Variants in APLF observed in about 807,000 individuals in gnomAD.
The protein encoded by APLF is aprataxin and PNK-like factor.
Under a neutral mutation model 55.6 loss-of-function variants are expected in APLF, and 61 were observed. The ratio of observed to expected loss-of-function variants is 1.10; its 90% confidence interval spans 0.89 to 1.36. The LOEUF (loss-of-function observed/expected upper bound fraction) is 1.36, where lower values mean the gene tolerates loss of function less well. APLF is among the 40% of genes most tolerant of loss of function. The pLI, the probability that APLF is intolerant of heterozygous loss-of-function variation, is 0.00. For missense variants in APLF, 611 were observed against 602.5 expected, an observed-to-expected ratio of 1.01 and a Z score of -0.15; for synonymous variants, 207 against 214.8, an observed-to-expected ratio of 0.96 and a Z score of 0.32.
intron 6 of APLF, among the ~76,000 whole-genome samples, chr2:68,533,806 A>G (rs1670321212): frequency 6.6e-6 from 1 of 152,186 alleles, no homozygotes; most frequent in African/African-American, 2.4e-5. Context: ...TAGAACTGGA[A>G]TTGTAATTTT....
chr2:68,533,254 TTTCTG>T (rs1670306134), intron 6 of APLF, among the ~76,000 whole-genome samples: 1 of 152,176 alleles, frequency 6.6e-6, no homozygotes, highest in Non-Finnish European at 1.5e-5. Context: ...AGATAATAAA[TTTCTG>T]TTCTTTATAA....
At chr2:68,481,861 T>C (rs531902750) in intron 1 of APLF, among the ~76,000 whole-genome samples, 41 of 152,184 alleles carry the variant, frequency 2.7e-4, no homozygotes, top group African/African-American at 8.9e-4. Flanking sequence ...GAAATTCTTC[T>C]GCTTGATATA....
At chr2:68,507,447 AC>A (rs980667497) in intron 3 of APLF, among the ~76,000 whole-genome samples, 2 of 151,944 alleles carry the variant, frequency 1.3e-5, no homozygotes, top group African/African-American at 4.8e-5. Flanking sequence ...CTTTGAAGGA[AC>A]ATTTAAGTCT....
At chr2:68,537,802 G>A (rs1416919444) in intron 6 of APLF, 70 bp from the exon 7 acceptor site, 2 of 1,123,072 alleles carry the variant, frequency 1.8e-6, no homozygotes, top group South Asian at 1.7e-5. Flanking sequence ...TTGTAGTTTT[G>A]TGCTGTTATG....
rs1019960198 is a variant in APLF at position 68,578,986 on chromosome 2, C to G, written c.*964C>G. ...AAGCCCTATAATGCTCTTCATATTACGTGACTTTGAATTGTTAAAATGTAG... is the reference window on the plus strand; with the variant it reads ...AAGCCCTATAATGCTCTTCATATTAGGTGACTTTGAATTGTTAAAATGTAG... On this transcript the variant is annotated 3_prime_UTR_variant, in exon 10 of 10. Transcript: ENST00000303795. 3.0e-6 allele frequency: 3 copies of G among 984,366 alleles called. No individual in the cohort carries two copies. In the African/African-American group the frequency reaches 5.2e-5, roughly 17 times the overall value. The allele number at this position is 984,366 out of a possible 1,614,324, so 61.0% of individuals were successfully genotyped here. A position where few individuals can be genotyped will look rare whatever the true frequency, so the allele number is the denominator to read the frequency against.
At chr2:68,573,718 G>A (rs1248731569) in intron 9 of APLF, among the ~76,000 whole-genome samples, 1 of 149,608 alleles carries the variant, frequency 6.7e-6, no homozygotes, top group African/African-American at 2.5e-5. Flanking sequence ...TAAGTGACTT[G>A]TTCATTGTCA....
At chr2:68,510,568 G>T (rs988203525) in intron 3 of APLF, among the ~76,000 whole-genome samples, 4 of 151,800 alleles carry the variant, frequency 2.6e-5, no homozygotes. Context: ...ATTATACATT[G>T]TGGTGGGATT....
chr2:68,503,644 G>A (rs1285035566), intron 3 of APLF, among the ~76,000 whole-genome samples: 1 of 152,040 alleles, frequency 6.6e-6, no homozygotes, highest in East Asian at 1.9e-4. Context: ...TAGGGAAATT[G>A]GAAAACATTT....
At chr2:68,534,942 A>G (rs1057304605) in intron 6 of APLF, among the ~76,000 whole-genome samples, 3 of 152,206 alleles carry the variant, frequency 2.0e-5, no homozygotes, top group African/African-American at 7.2e-5. Context: ...GGTCATTTAT[A>G]AATAATTTAA....
At chr2:68,468,452 C>T (rs1675503644) in intron 1 of APLF, among the ~76,000 whole-genome samples, 1 of 152,142 alleles carries the variant, frequency 6.6e-6, no homozygotes, top group South Asian at 2.1e-4. Context: ...CCTATACCAA[C>T]ATCTTTAACT....
At chr2:68,513,003 T>A (rs76430755) in intron 3 of APLF, 77 bp from the exon 4 acceptor site, 43,463 of 1,364,320 alleles carry the variant, frequency 0.032, 814 homozygotes, top group Middle Eastern at 0.05. Flanking sequence ...TAAAGGGACA[T>A]AACTTAGATG....
intron 3 of APLF, among the ~76,000 whole-genome samples, chr2:68,504,713 A>G (rs931126555): frequency 2.0e-5 from 3 of 152,048 alleles, no homozygotes; most frequent in South Asian, 4.1e-4. Flanking sequence ...TTTGAAAGGA[A>G]GAAGTAAAAC....
intron 8 of APLF, among the ~76,000 whole-genome samples, chr2:68,548,435 G>T (rs1670766132): frequency 6.6e-6 from 1 of 151,638 alleles, no homozygotes; most frequent in Non-Finnish European, 1.5e-5. Flanking sequence ...TAGCCTTTTT[G>T]CCCAAAAGGA....
At chr2:68,554,368 T>C (rs1204661511) in intron 8 of APLF, among the ~76,000 whole-genome samples, 1 of 152,134 alleles carries the variant, frequency 6.6e-6, no homozygotes, top group African/African-American at 2.4e-5. Flanking sequence ...TGTTATACTT[T>C]TTTAAATCTA....
At chr2:68,481,745 AT>A (rs1229198389) in intron 1 of APLF, among the ~76,000 whole-genome samples, 2 of 151,942 alleles carry the variant, frequency 1.3e-5, no homozygotes, top group African/African-American at 2.4e-5. Context: ...TAATGTGAAT[AT>A]TTGTTCGCTT....
intron 1 of APLF, among the ~76,000 whole-genome samples, chr2:68,484,593 G>A (rs1676068491): frequency 1.3e-5 from 2 of 151,792 alleles, no homozygotes; most frequent in African/African-American, 4.8e-5. Context: ...CCGGGAGGCT[G>A]AGGCAGGAGA....
chr2:68,529,481 A>G lies in APLF; in HGVS notation c.804+3239A>G. 2 of 1,081,940 alleles carry G rather than the reference A, an allele frequency of 1.8e-6. No individual in the cohort carries two copies. Among genetic ancestry groups the G allele is most frequent in the South Asian group, 3.4e-5 (1 of 29,192 alleles). The allele number at this position is 1,081,940 out of a possible 1,614,324, so 67.0% of individuals were successfully genotyped here. On this transcript the variant is annotated intron_variant, in intron 6 of 9. Coordinates refer to ENST00000303795, the MANE Select transcript of APLF (RefSeq NM_173545.3). This position sits in a 1 kb window ranked among gnomAD's most constrained non-coding sequence, Gnocchi z 4.4. ...GTTGTCCATTTTGAGCGAGTTGTGC[A>G]CAGACGAAACTAAGGGTCAGAAGCG...
At position 68,542,014 on chromosome 2, in the gene APLF, A is replaced by G. The variant is rs76744590; in HGVS notation, c.1161-3173A>G. 7.9e-3 allele frequency among the ~76,000 whole-genome samples: 1,205 copies of G among 152,344 alleles called. 15 individuals are homozygous for G. The highest frequency in any genetic ancestry group is 0.027 in the African/African-American group (1,136 of 41,584). On this transcript the variant is annotated intron_variant, in intron 7 of 9. Coordinates refer to ENST00000303795, the MANE Select transcript of APLF (RefSeq NM_173545.3). ...ATATATGGTTAAATAATTTTCAACA[A>G]TGGTCTCAAGACAAATCAAAGAGGA...
intron 2 of APLF, among the ~76,000 whole-genome samples, chr2:68,501,204 T>C (rs964753213): frequency 4.6e-5 from 7 of 152,206 alleles, no homozygotes; most frequent in African/African-American, 1.7e-4. Context: ...AAATATGATG[T>C]ATGGCCAGAT....
Sources: gnomAD v4.1 joint callset for allele counts (sites outside exome capture counted in the v4.1 genomes callset) on GRCh38, gnomAD v4.1.1 for gene constraint, Gnocchi (gnomAD v3.1) non-coding constraint, MANE v1.5 for transcripts, NCBI Gene and HGNC (gene_info 2026-07-23, HGNC 2026-07-21) for gene names.